CA12: variants seen among roughly 807,000 people sequenced by gnomAD.
The protein encoded by CA12 is carbonic anhydrase 12, also known as carbonate dehydratase XII.
In CA12, 36 loss-of-function variants were observed where a neutral mutation model predicts 46.8. That is an observed-to-expected ratio of 0.77 (90% CI 0.59 to 1.02). CA12 has a LOEUF of 1.02. CA12 is among the 50% of genes least tolerant of loss of function. CA12 has a pLI of 0.00. For missense variants in CA12, 436 were observed against 451.4 expected, an observed-to-expected ratio of 0.97 and a Z score of 0.31; for synonymous variants, 202 against 187.0, an observed-to-expected ratio of 1.08 and a Z score of -0.65.
rs552901624 is a variant in CA12 at position 63,340,851 on chromosome 15, C to T, written c.526-68G>A. On this transcript the variant is annotated intron_variant, in intron 5 of 10. Coordinates refer to ENST00000178638, the MANE Select transcript of CA12 (RefSeq NM_001218.5). The surrounding 1 kb of genome is among the most constrained non-coding windows in gnomAD (Gnocchi z 4.4). ...TAGGCTGAGCCAGGATTGACGATTG[C>T]TATCAGAAGGGCAAAGCTGTGGGTA... 60 of 1,401,580 alleles carry T rather than the reference C, an allele frequency of 4.3e-5. No homozygotes were observed. The Middle Eastern group carries it at 5.4e-4, about 13-fold the overall frequency. The allele number at this position is 1,401,580 out of a possible 1,614,324, so 86.8% of individuals were successfully genotyped here.
intron 3 of CA12, 104 bp downstream of exon 3, chr15:63,346,426 T>G (rs2039148862): frequency 6.5e-6 from 3 of 460,618 alleles, no homozygotes; most frequent in Non-Finnish European, 1.3e-5. Flanking sequence ...CCCCTCCTCC[T>G]GGATGCTTCC....
At chr15:63,367,487 A>G (rs2039450832) in intron 2 of CA12, among the ~76,000 whole-genome samples, 1 of 152,250 alleles carries the variant, frequency 6.6e-6, no homozygotes, top group Non-Finnish European at 1.5e-5. Context: ...CAATGCCAGC[A>G]TGACCTTACA....
At chr15:63,354,194 C>T (rs1484474355) in intron 2 of CA12, among the ~76,000 whole-genome samples, 3 of 152,122 alleles carry the variant, frequency 2.0e-5, no homozygotes, top group Admixed American at 1.3e-4. Context: ...ATCAAACTAG[C>T]GTTAGAGTTT....
Position 63,324,554 on chromosome 15 carries a change from A to C in CA12, c.*1731T>G, listed in dbSNP as rs1018011802. The C allele has an allele frequency of 2.0e-5, 3 of 152,336 alleles. No individual in the cohort carries two copies. Among genetic ancestry groups the C allele is most frequent in the Non-Finnish European group, 4.4e-5 (3 of 68,158 alleles). 9.4% of individuals were successfully genotyped at this position (152,336 alleles called of 1,614,324 possible). A position where few individuals can be genotyped will look rare whatever the true frequency, so the allele number is the denominator to read the frequency against. ...GCTGTTAGAGGTCTTGAGTGCACAC[A>C]CACACACAAACACACAGAGAGACAC... On this transcript the variant is annotated 3_prime_UTR_variant, in exon 11 of 11. Transcript: ENST00000178638.
At position 63,362,773 on chromosome 15, in the gene CA12, C is replaced by T. The variant is rs375908559; in HGVS notation, c.106+12885G>A. ...CACTCTTGCTATTATTTAAAGTTTT[C>T]CTTTATAGTAAAAAAACCACGAAAA... On this transcript the variant is annotated intron_variant, in intron 2 of 10. Coordinates refer to ENST00000178638, the MANE Select transcript of CA12 (RefSeq NM_001218.5). Among the ~76,000 whole-genome samples the T allele has an allele frequency of 1.2e-4, 18 of 152,212 alleles. 1 individual carries two copies. The highest frequency in any genetic ancestry group is 7.8e-4 in the Admixed American group (12 of 15,298).
chr15:63,350,881 T>C (rs2039220432), intron 2 of CA12, among the ~76,000 whole-genome samples: 1 of 152,228 alleles, frequency 6.6e-6, no homozygotes, highest in Non-Finnish European at 1.5e-5. Context: ...CTTATCTACC[T>C]GGATAACTGG....
intron 2 of CA12, among the ~76,000 whole-genome samples, chr15:63,370,634 G>A (rs1308063978): frequency 4.6e-5 from 7 of 151,622 alleles, no homozygotes; most frequent in African/African-American, 7.3e-5. Flanking sequence ...TTAGCCGGGC[G>A]TGGTGGTGGG....
chr15:63,372,227 T>TTGATGCGGGAC lies in CA12; in HGVS notation c.106+3420_106+3430dup, dbSNP rs1401826500. 3.3e-5 allele frequency among the ~76,000 whole-genome samples: 5 copies of TTGATGCGGGAC among 152,344 alleles called. No individual in the cohort carries two copies. Among genetic ancestry groups the TTGATGCGGGAC allele is most frequent in the Admixed American group, 2.0e-4 (3 of 15,300 alleles). ...AGTGAAGCTGCCGGGCTCAGCGGGATTGATGCGGGACTGATTTCCGGCGGG... is the reference window on the plus strand; with the variant it reads ...AGTGAAGCTGCCGGGCTCAGCGGGATTGATGCGGGACTGATGCGGGACTGATTTCCGGCGGG... On this transcript the variant is annotated intron_variant, in intron 2 of 10. Coordinates refer to ENST00000178638, the MANE Select transcript of CA12 (RefSeq NM_001218.5). The surrounding 1 kb of genome is among the most constrained non-coding windows in gnomAD (Gnocchi z 4.5).
intron 4 of CA12, among the ~76,000 whole-genome samples, chr15:63,342,567 C>T (rs1384054323): frequency 6.6e-6 from 1 of 152,148 alleles, no homozygotes; most frequent in Non-Finnish European, 1.5e-5. Context: ...CTGATCAGAC[C>T]TAAGGTCTGT....
rs988490221 is a variant in CA12 at position 63,355,749 on chromosome 15, C to T, written c.107-9040G>A. On this transcript the variant is annotated intron_variant, in intron 2 of 10. Coordinates refer to ENST00000178638, the MANE Select transcript of CA12 (RefSeq NM_001218.5). The surrounding 1 kb of genome is among the most constrained non-coding windows in gnomAD (Gnocchi z 4.1). ...ATGAAAACTAGCCAGGCCTGAGCCC[C>T]CCATCAGTGCTCACCACATGTTATC... Among the ~76,000 whole-genome samples, 2 of 152,204 alleles carry T rather than the reference C, an allele frequency of 1.3e-5. No homozygotes were observed. The highest frequency in any genetic ancestry group is 1.5e-5 in the Non-Finnish European group (1 of 68,046).
At chr15:63,370,526 A>C (rs1017923552) in intron 2 of CA12, among the ~76,000 whole-genome samples, 1 of 152,012 alleles carries the variant, frequency 6.6e-6, no homozygotes, top group Non-Finnish European at 1.5e-5. Flanking sequence ...TAATCCCACC[A>C]CTTTGGGAGG....
In CA12 at chr15:63,322,174, A is replaced by C. The variant is rs753845263; in HGVS notation, c.*4111T>G. 13 of 152,204 alleles carry C rather than the reference A, an allele frequency of 8.5e-5. No homozygotes were observed. Among genetic ancestry groups the C allele is most frequent in the Admixed American group, 2.6e-4 (4 of 15,284 alleles). The allele number at this position is 152,204 out of a possible 1,614,324, so 9.4% of individuals were successfully genotyped here. On this transcript the variant is annotated 3_prime_UTR_variant, in exon 11 of 11. Coordinates refer to ENST00000178638, the MANE Select transcript of CA12 (RefSeq NM_001218.5). The surrounding 1 kb of genome is among the most constrained non-coding windows in gnomAD (Gnocchi z 4.1). ...TCTAAGTGTGTTTGGAGCAACTCGGATATTGGAATCTTTTAAACTGTAAAT... is the reference window on the plus strand; with the variant it reads ...TCTAAGTGTGTTTGGAGCAACTCGGCTATTGGAATCTTTTAAACTGTAAAT...
chr15:63,338,473 T>A (rs893191134), intron 8 of CA12, among the ~76,000 whole-genome samples: 3 of 152,204 alleles, frequency 2.0e-5, no homozygotes, highest in Non-Finnish European at 2.9e-5. Flanking sequence ...TCTGATCTCA[T>A]GGAAAGGGTC....
chr15:63,350,840 C>A (rs1267914661), intron 2 of CA12, among the ~76,000 whole-genome samples: 1 of 152,150 alleles, frequency 6.6e-6, no homozygotes, highest in Non-Finnish European at 1.5e-5. Context: ...CAGAAACAGT[C>A]CTGCCTCATC....
chr15:63,359,839 A>G (rs886963116), intron 2 of CA12, among the ~76,000 whole-genome samples: 7 of 152,070 alleles, frequency 4.6e-5, no homozygotes, highest in Non-Finnish European at 1.0e-4. Flanking sequence ...TGTACCCCTC[A>G]TTGGCCGTGT....
At position 63,334,242 on chromosome 15, in the gene CA12, C is replaced by CTTTTT. The variant is rs71131163; in HGVS notation, c.874+4572_874+4576dup. Among the ~76,000 whole-genome samples the CTTTTT allele has an allele frequency of 3.4e-3, 224 of 64,952 alleles. 41 individuals are homozygous for CTTTTT. Among genetic ancestry groups the CTTTTT allele is most frequent in the East Asian group, 0.017 (25 of 1,494 alleles). 42.6% of individuals were successfully genotyped at this position (64,952 alleles called of 152,430 possible). On this transcript the variant is annotated intron_variant, in intron 8 of 10. Coordinates refer to ENST00000178638, the MANE Select transcript of CA12 (RefSeq NM_001218.5). ...TTCCAACTGCCACTTGGAAGAGGCACTTTTTTTTTTTTTTTTTTTTTTTTT... is the reference window on the plus strand; with the variant it reads ...TTCCAACTGCCACTTGGAAGAGGCACTTTTTTTTTTTTTTTTTTTTTTTTTTTTTT...
intron 2 of CA12, among the ~76,000 whole-genome samples, chr15:63,353,632 G>A (rs1161293088): frequency 6.6e-6 from 1 of 152,190 alleles, no homozygotes; most frequent in African/African-American, 2.4e-5. Flanking sequence ...CTAAGCCACA[G>A]GACTCAGAGG....
In CA12 at chr15:63,331,104, G is replaced by A. The variant is rs566486463; in HGVS notation, c.875-2974C>T. Among the ~76,000 whole-genome samples the A allele has an allele frequency of 1.7e-4, 26 of 152,346 alleles. No homozygotes were observed. In the South Asian group the frequency reaches 3.9e-3, roughly 23 times the overall value. Reference sequence around the variant, plus strand: ...TGTTGGAATGCTGTCCCTGCCAATCGAGACAGCACCAACCATCATGGAGGC... The same window carrying A: ...TGTTGGAATGCTGTCCCTGCCAATCAAGACAGCACCAACCATCATGGAGGC... On this transcript the variant is annotated intron_variant, in intron 8 of 10. Coordinates refer to ENST00000178638, the MANE Select transcript of CA12 (RefSeq NM_001218.5). This position sits in a 1 kb window ranked among gnomAD's most constrained non-coding sequence, Gnocchi z 5.3.
chr15:63,342,353 G>C (rs1425239395), intron 4 of CA12, among the ~76,000 whole-genome samples: 1 of 152,192 alleles, frequency 6.6e-6, no homozygotes, highest in East Asian at 1.9e-4. Flanking sequence ...ACACTGGTTT[G>C]ATCTGGAAGG....
Sources: gnomAD v4.1 joint callset for allele counts (sites outside exome capture counted in the v4.1 genomes callset) on GRCh38, gnomAD v4.1.1 for gene constraint, Gnocchi (gnomAD v3.1) non-coding constraint, MANE v1.5 for transcripts, NCBI Gene and HGNC (gene_info 2026-07-23, HGNC 2026-07-21) for gene names.